PSG5: variants seen among roughly 807,000 people sequenced by gnomAD.
The protein encoded by PSG5 is pregnancy-specific beta-1-glycoprotein 5.
A neutral mutation model predicts 37.7 loss-of-function variants in PSG5; 53 were observed. The observed-to-expected ratio is 1.41, with a 90% CI of 1.13 to 1.77. The LOEUF (loss-of-function observed/expected upper bound fraction) is 1.77, where lower values mean the gene tolerates loss of function less well. Ranked by LOEUF, PSG5 falls within the 40% of genes most tolerant of loss-of-function variation. The probability of loss-of-function intolerance (pLI) is 0.00; values close to 1 mark genes in which losing one functional copy is unlikely to be tolerated. For synonymous variants in PSG5, 221 were observed against 155.4 expected, an observed-to-expected ratio of 1.42 and a Z score of -3.14; for missense variants, 547 against 405.2, an observed-to-expected ratio of 1.35 and a Z score of -3.00.
rs1966949906 is a variant in PSG5 at position 43,186,530 on chromosome 19, A to T, written c.-125T>A. Reference sequence around the variant, plus strand: ...CTGAGCCTCTCTCCAGGGCAGGAGCACTTCTCAGGCTCATGGGTGGGGTCA... The same window carrying T: ...CTGAGCCTCTCTCCAGGGCAGGAGCTCTTCTCAGGCTCATGGGTGGGGTCA... On this transcript the variant is annotated 5_prime_UTR_variant, in exon 1 of 6. Coordinates refer to ENST00000342951, the MANE Select transcript of PSG5 (RefSeq NM_002781.4). 8 of 1,462,466 alleles carry T rather than the reference A, an allele frequency of 5.5e-6. 1 individual carries two copies. The highest frequency in any genetic ancestry group is 4.3e-5 in the African/African-American group (3 of 69,312). The allele number at this position is 1,462,466 out of a possible 1,614,324, so 90.6% of individuals were successfully genotyped here.
intron 4 of PSG5, 147 bp from the exon 5 acceptor site, chr19:43,170,285 T>C: frequency 1.2e-6 from 1 of 863,548 alleles, no homozygotes; most frequent in Middle Eastern, 3.0e-4. Flanking sequence ...TGGGAGATGA[T>C]TATATTCTTG....
chr19:43,183,423 G>A (rs775874337), intron 2 of PSG5: 2 of 529,112 alleles, frequency 3.8e-6, no homozygotes, highest in Non-Finnish European at 3.9e-6. Context: ...TTTGTTATGT[G>A]AGAGCTCCTG....
At chr19:43,182,157 T>G (rs1388226977) in intron 2 of PSG5, among the ~76,000 whole-genome samples, 1 of 151,660 alleles carries the variant, frequency 6.6e-6, no homozygotes, top group East Asian at 1.9e-4. Context: ...ATCACAAAAC[T>G]TCCTCCATGA....
intron 4 of PSG5, among the ~76,000 whole-genome samples, chr19:43,172,165 A>G (rs1968920953): frequency 6.6e-6 from 1 of 151,550 alleles, no homozygotes; most frequent in Non-Finnish European, 1.5e-5. Flanking sequence ...CAGTAATAAG[A>G]TTGAATCAAT....
At chr19:43,179,011 A>G in intron 2 of PSG5, 2 of 1,612,696 alleles carry the variant, frequency 1.2e-6, no homozygotes, top group Non-Finnish European at 1.7e-6. Flanking sequence ...GACAGCTGCA[A>G]CCTGTGAGTC....
chr19:43,173,236 C>T (rs557560790), intron 4 of PSG5, among the ~76,000 whole-genome samples: 1 of 151,642 alleles, frequency 6.6e-6, no homozygotes, highest in South Asian at 2.1e-4. Flanking sequence ...GATCAAAGAT[C>T]TAAATGTAAG....
In PSG5 at chr19:43,175,210, C is replaced by A. The variant is rs1377868733; in HGVS notation, c.964+5G>T. 21 of 1,612,530 alleles carry A rather than the reference C, an allele frequency of 1.3e-5. No individual in the cohort carries two copies. The highest frequency in any genetic ancestry group is 1.6e-5 in the Non-Finnish European group (19 of 1,179,148). ...CTATTGCCAAGGATGCTGGGATCCA[C>A]TTACCAGAGACTTCGACTGTCATGG... On this transcript the variant is annotated splice_donor_5th_base_variant and intron_variant, in intron 4 of 5. Coordinates refer to ENST00000342951, the MANE Select transcript of PSG5 (RefSeq NM_002781.4).
intron 2 of PSG5, among the ~76,000 whole-genome samples, chr19:43,176,515 C>T (rs1443763538): frequency 2.0e-5 from 3 of 151,552 alleles, no homozygotes; most frequent in Non-Finnish European, 4.4e-5. Context: ...GGGCCCCTTC[C>T]AAATTCCATC....
rs564339894 is a variant in PSG5, at chr19:43,184,698, C to G, written c.430+84G>C. The stretch of plus-strand genomic sequence containing the variant: ...CATAATGCAGAGAGGGACACAGGCA[C>G]AGTGCAGGCCTGACAATCCTGTGTG... On this transcript the variant is annotated intron_variant, in intron 2 of 5. Coordinates refer to ENST00000342951, the MANE Select transcript of PSG5 (RefSeq NM_002781.4). 585 of 1,595,992 alleles carry G rather than the reference C, an allele frequency of 3.7e-4. 14 individuals are homozygous for G. In the African/African-American group the frequency reaches 4.5e-3, roughly 12 times the overall value.
At position 43,186,381 on chromosome 19, in the gene PSG5, A is replaced by G. The variant is rs1442151346; in HGVS notation, c.25T>C (p.Cys9Arg). The change falls in exon 1 of 6, where the codon TGC becomes CGC. Residue 9 changes from cysteine to arginine, a missense_variant. Coordinates refer to ENST00000342951, the MANE Select transcript of PSG5 (RefSeq NM_002781.4). Reference sequence around the variant, plus strand: ...CCCTTCCAGGTGATGTGCTGTGTGCAGGGAGGGGCTGAGAGGGGCCCCATG... The same window carrying G: ...CCCTTCCAGGTGATGTGCTGTGTGCGGGGAGGGGCTGAGAGGGGCCCCATG... Reference protein sequence around the residue: MGPLSAPPCTQHITWKGLL... With the variant: MGPLSAPPRTQHITWKGLL... The G allele has an allele frequency of 1.2e-6, 2 of 1,612,278 alleles. No homozygotes were observed. Among genetic ancestry groups the G allele is most frequent in the South Asian group, 2.2e-5 (2 of 91,028 alleles).
At chr19:43,179,280 A>T (rs1969078042) in intron 2 of PSG5, 5 of 1,307,784 alleles carry the variant, frequency 3.8e-6, no homozygotes, top group Admixed American at 2.2e-5. Flanking sequence ...AGCCCATGGC[A>T]GGTGTGTGTG....
In PSG5 at chr19:43,185,437, C is replaced by A. The variant is rs896036163; in HGVS notation, c.65-290G>T. Among the ~76,000 whole-genome samples, 60 of 150,412 alleles carry A rather than the reference C, an allele frequency of 4.0e-4. 1 individual carries two copies. The highest frequency in any genetic ancestry group is 3.5e-3 in the Middle Eastern group (1 of 286). Reference sequence around the variant, plus strand: ...CCAGGGGTCCACACGGCACCCCCCCCCCCCCACACTGCCCTCAGGTCCTGC... The same window carrying A: ...CCAGGGGTCCACACGGCACCCCCCCACCCCCACACTGCCCTCAGGTCCTGC... On this transcript the variant is annotated intron_variant, in intron 1 of 5. Transcript: ENST00000342951.
intron 1 of PSG5, among the ~76,000 whole-genome samples, chr19:43,186,103 A>T (rs1000562489): frequency 6.6e-6 from 1 of 150,878 alleles, no homozygotes; most frequent in African/African-American, 2.4e-5. Context: ...CAGCCTCCAG[A>T]GTAGCTAGGA....
intron 3 of PSG5, 174 bp downstream of exon 3, chr19:43,175,696 C>G: frequency 1.4e-6 from 2 of 1,420,688 alleles, no homozygotes; most frequent in South Asian, 2.8e-5. Flanking sequence ...CCCTTATATT[C>G]CTGGTTAAGG....
Position 43,173,031 on chromosome 19 carries a change from T to C in PSG5, c.964+2184A>G, listed in dbSNP as rs187221712. ...TGTGGTACTGGCATAAAGGAGGACATAGAAATTAATGAAATATCATAGCCC... is the reference window on the plus strand; with the variant it reads ...TGTGGTACTGGCATAAAGGAGGACACAGAAATTAATGAAATATCATAGCCC... On this transcript the variant is annotated intron_variant, in intron 4 of 5. Coordinates refer to ENST00000342951, the MANE Select transcript of PSG5 (RefSeq NM_002781.4). Among the ~76,000 whole-genome samples, 74 of 151,670 alleles carry C rather than the reference T, an allele frequency of 4.9e-4. 2 individuals are homozygous for C. Among genetic ancestry groups the C allele is most frequent in the Middle Eastern group, 6.8e-3 (2 of 294 alleles).
intron 4 of PSG5, chr19:43,174,723 G>T (rs1968968846): frequency 1.9e-6 from 2 of 1,034,890 alleles, no homozygotes; most frequent in African/African-American, 3.4e-5. Flanking sequence ...AGTCACCAGA[G>T]AAGCATGGAG....
rs1214809731 is a variant in PSG5 at position 43,167,940 on chromosome 19, T to C, written c.*304A>G. ...TTCAAAGAATCAGCACATTTTCAAA[T>C]AGAAAATTATGAAAACATTATGCTT... is the stretch of plus-strand genomic sequence containing the variant. On this transcript the variant is annotated 3_prime_UTR_variant, in exon 6 of 6. Coordinates refer to ENST00000342951, the MANE Select transcript of PSG5 (RefSeq NM_002781.4). 5 of 389,612 alleles carry C rather than the reference T, an allele frequency of 1.3e-5. No homozygotes were observed. In the Middle Eastern group the frequency reaches 1.6e-3, roughly 121 times the overall value. 24.1% of individuals were successfully genotyped at this position (389,612 alleles called of 1,614,324 possible). A position where few individuals can be genotyped will look rare whatever the true frequency, so the allele number is the denominator to read the frequency against.
At chr19:43,185,429 A>ACC (rs56339663) in intron 1 of PSG5, among the ~76,000 whole-genome samples, 2 of 133,334 alleles carry the variant, frequency 1.5e-5, no homozygotes, top group Non-Finnish European at 3.3e-5. Flanking sequence ...TCCACACGGC[A>ACC]CCCCCCCCCC....
At chr19:43,176,519 T>A (rs1027340141) in intron 2 of PSG5, among the ~76,000 whole-genome samples, 2 of 151,562 alleles carry the variant, frequency 1.3e-5, no homozygotes, top group Non-Finnish European at 2.9e-5. Flanking sequence ...CCCTTCCAAA[T>A]TCCATCCTAC....
Sources: gnomAD v4.1 joint callset for allele counts (sites outside exome capture counted in the v4.1 genomes callset) on GRCh38, gnomAD v4.1.1 for gene constraint, MANE v1.5 for transcripts, NCBI Gene and HGNC (gene_info 2026-07-23, HGNC 2026-07-21) for gene names.